Variants in SNTG1 observed in about 807,000 individuals in gnomAD.
SNTG1 encodes syntrophin gamma 1.
Under a neutral mutation model 74.7 loss-of-function variants are expected in SNTG1, and 39 were observed. The observed-to-expected ratio is 0.52, with a 90% confidence interval of 0.40 to 0.68. SNTG1 has a LOEUF of 0.68. Among genes scored for constraint, SNTG1 ranks in the 30% least tolerant of loss-of-function variants. SNTG1 has a pLI of 0.00. For missense variants in SNTG1, 685 were observed against 609.5 expected, an observed-to-expected ratio of 1.12 and a Z score of -1.30; for synonymous variants, 254 against 217.1, an observed-to-expected ratio of 1.17 and a Z score of -1.49.
At chr8:50,177,234 A>C (rs1435058044) in intron 2 of SNTG1, among the ~76,000 whole-genome samples, 1 of 152,210 alleles carries the variant, frequency 6.6e-6, no homozygotes, top group Non-Finnish European at 1.5e-5. Flanking sequence ...GAAATGGTGG[A>C]GAGAGGTAGT....
intron 17 of SNTG1, among the ~76,000 whole-genome samples, chr8:50,737,801 A>G (rs537134001): frequency 3.3e-5 from 5 of 152,248 alleles, no homozygotes; most frequent in Non-Finnish European, 7.4e-5. Context: ...AGAACCAATT[A>G]CAAAAATCAC....
chr8:50,038,876 A>C (rs1258521349), intron 1 of SNTG1, among the ~76,000 whole-genome samples: 1 of 152,050 alleles, frequency 6.6e-6, no homozygotes, highest in African/African-American at 2.4e-5. Flanking sequence ...TCTTCCGTAC[A>C]TTTCACTTTG....
At chr8:50,207,449 T>C (rs2084300603) in intron 2 of SNTG1, among the ~76,000 whole-genome samples, 1 of 152,196 alleles carries the variant, frequency 6.6e-6, no homozygotes, top group African/African-American at 2.4e-5. Flanking sequence ...ATTTGATTCT[T>C]CTCTCTTTTC....
intron 12 of SNTG1, among the ~76,000 whole-genome samples, chr8:50,560,877 T>A (rs1041369792): frequency 6.6e-6 from 1 of 152,012 alleles, no homozygotes; most frequent in Admixed American, 6.6e-5. Context: ...TAAAATAAAA[T>A]TTGATAAAAT....
intron 1 of SNTG1, among the ~76,000 whole-genome samples, chr8:50,087,417 C>T (rs1822997115): frequency 6.6e-6 from 1 of 152,108 alleles, no homozygotes; most frequent in Non-Finnish European, 1.5e-5. Context: ...TTTTATGATG[C>T]CATGTATAAA....
At chr8:50,037,051 C>T (rs942835195) in intron 1 of SNTG1, among the ~76,000 whole-genome samples, 1 of 152,210 alleles carries the variant, frequency 6.6e-6, no homozygotes, top group African/African-American at 2.4e-5. Context: ...ACTTTCCAAG[C>T]TCTTGCTTTT....
chr8:50,680,684 T>C (rs1283853139), intron 15 of SNTG1, among the ~76,000 whole-genome samples: 1 of 152,108 alleles, frequency 6.6e-6, no homozygotes, highest in Admixed American at 6.6e-5. Flanking sequence ...TTTTCCATTG[T>C]TTACCAGCCC....
At chr8:50,303,561 A>G (rs1046155603) in intron 2 of SNTG1, among the ~76,000 whole-genome samples, 1 of 152,082 alleles carries the variant, frequency 6.6e-6, no homozygotes, top group South Asian at 2.1e-4. Flanking sequence ...ATAATTTCAT[A>G]GAACATATTA....
intron 4 of SNTG1, among the ~76,000 whole-genome samples, chr8:50,435,716 A>G (rs1325497234): frequency 6.6e-6 from 1 of 152,220 alleles, no homozygotes; most frequent in Non-Finnish European, 1.5e-5. Flanking sequence ...AAGAAGCAGC[A>G]TCTGGAGACA....
At chr8:50,002,862 T>C (rs552448428) in intron 1 of SNTG1, among the ~76,000 whole-genome samples, 1 of 152,262 alleles carries the variant, frequency 6.6e-6, no homozygotes, top group African/African-American at 2.4e-5. Context: ...CATCCACAGA[T>C]ACAGGGATAA....
chr8:50,269,886 G>A (rs1459555153), intron 2 of SNTG1, among the ~76,000 whole-genome samples: 1 of 152,108 alleles, frequency 6.6e-6, no homozygotes, highest in African/African-American at 2.4e-5. Context: ...GAGGAAGATA[G>A]CAATGCTTTT....
chr8:50,362,957 T>C (rs1056000572), intron 2 of SNTG1, among the ~76,000 whole-genome samples: 3 of 152,180 alleles, frequency 2.0e-5, no homozygotes, highest in Non-Finnish European at 4.4e-5. Flanking sequence ...AATAGATGAT[T>C]GCCCTGTGGG....
intron 1 of SNTG1, among the ~76,000 whole-genome samples, chr8:50,078,299 T>C (rs527510820): frequency 1.3e-5 from 2 of 152,298 alleles, no homozygotes; most frequent in Admixed American, 6.5e-5. Flanking sequence ...TGTCAATTTC[T>C]ATGATAAATG....
intron 4 of SNTG1, among the ~76,000 whole-genome samples, chr8:50,421,164 A>AAG (rs893603816): frequency 5.9e-5 from 9 of 151,712 alleles, no homozygotes; most frequent in African/African-American, 1.9e-4. Flanking sequence ...TCCATACCCC[A>AAG]AGAGAGGGCT....
At chr8:50,627,143 C>A (rs908315544) in intron 13 of SNTG1, among the ~76,000 whole-genome samples, 5 of 152,138 alleles carry the variant, frequency 3.3e-5, no homozygotes, top group African/African-American at 9.7e-5. Context: ...TGTTCCATTT[C>A]CAGGCATGAC....
At chr8:50,085,250 T>C (rs1822772817) in intron 1 of SNTG1, among the ~76,000 whole-genome samples, 1 of 152,174 alleles carries the variant, frequency 6.6e-6, no homozygotes, top group Non-Finnish European at 1.5e-5. Flanking sequence ...GAGCACCAAG[T>C]CTTTATAGAA....
intron 14 of SNTG1, among the ~76,000 whole-genome samples, chr8:50,657,964 A>T (rs747648223): frequency 1.5e-4 from 23 of 152,168 alleles, no homozygotes; most frequent in Non-Finnish European, 2.4e-4. Flanking sequence ...TTTAGAAATC[A>T]TCAGGTCTAA....
intron 2 of SNTG1, among the ~76,000 whole-genome samples, chr8:50,348,293 T>C (rs2091542931): frequency 6.6e-6 from 1 of 152,162 alleles, no homozygotes; most frequent in African/African-American, 2.4e-5. Flanking sequence ...AAGGCATATT[T>C]TCATTCCAGA....
At chr8:50,596,731 A>G (rs1049535890) in intron 13 of SNTG1, among the ~76,000 whole-genome samples, 2 of 152,038 alleles carry the variant, frequency 1.3e-5, no homozygotes, top group African/African-American at 4.8e-5. Context: ...TAGCTTTGTA[A>G]TTATTTGCTG....
Sources: gnomAD v4.1 joint callset for allele counts (sites outside exome capture counted in the v4.1 genomes callset) on GRCh38, gnomAD v4.1.1 for gene constraint, MANE v1.5 for transcripts, NCBI Gene and HGNC (gene_info 2026-07-23, HGNC 2026-07-21) for gene names.